The following BCAR3 variants were observed in gnomAD, a reference collection of about 807,000 sequenced individuals.
BCAR3 encodes the protein breast cancer anti-estrogen resistance protein 3.
In BCAR3, 37 loss-of-function variants were observed where a neutral mutation model predicts 80.1. The observed-to-expected ratio is 0.46, with a 90% confidence interval of 0.36 to 0.61. The LOEUF (loss-of-function observed/expected upper bound fraction) is 0.61. Among genes scored for constraint, BCAR3 ranks in the 20% least tolerant of loss-of-function variants. BCAR3 has a pLI of 0.00. For missense variants in BCAR3, 978 were observed against 1,068.2 expected (o/e 0.92, Z 1.18); for synonymous variants, 389 against 418.9 (o/e 0.93, Z 0.87).
intron 2 of BCAR3, among the ~76,000 whole-genome samples, chr1:93,835,592 G>A (rs1477628655): frequency 2.0e-5 from 3 of 152,104 alleles, no homozygotes; most frequent in Non-Finnish European, 2.9e-5. Context: ...GTTACAAGCC[G>A]CTAGCCTGAC....
At chr1:93,563,375 C>T (rs1672785418) in intron 11 of BCAR3, among the ~76,000 whole-genome samples, 1 of 151,334 alleles carries the variant, frequency 6.6e-6, no homozygotes, top group Non-Finnish European at 1.5e-5. Context: ...ATGTTGCATG[C>T]TAATCATTCT....
In BCAR3 at chr1:93,731,646, G is replaced by GTAAAATAAAA. The variant is rs3068528; in HGVS notation, c.-62-25514_-62-25505dup. Among the ~76,000 whole-genome samples, 1,307 of 147,344 alleles carry GTAAAATAAAA rather than the reference G, an allele frequency of 8.9e-3. 21 individuals carry two copies. The highest frequency in any genetic ancestry group is 0.029 in the African/African-American group (1,147 of 39,846). On this transcript the variant is annotated intron_variant, in intron 2 of 13. Transcript: ENST00000370244. ...ATATAAATAAATAGTAGATGTTAAA[G>GTAAAATAAAA]TAAAATAAAATAAAATAAAATAAAA...
intron 2 of BCAR3, among the ~76,000 whole-genome samples, chr1:93,752,568 A>C (rs924851521): frequency 1.3e-5 from 2 of 152,242 alleles, no homozygotes; most frequent in Admixed American, 6.5e-5. Flanking sequence ...GTGCATTCAA[A>C]ATAAGAATGA....
intron 2 of BCAR3, among the ~76,000 whole-genome samples, chr1:93,817,611 T>C (rs1557698187): frequency 6.6e-6 from 1 of 152,218 alleles, no homozygotes; most frequent in Non-Finnish European, 1.5e-5. Flanking sequence ...TTTGGTTCTC[T>C]GGCCTTCCCT....
intron 1 of BCAR3, among the ~76,000 whole-genome samples, chr1:93,678,173 G>C (rs1468344636): frequency 6.6e-6 from 1 of 152,226 alleles, no homozygotes; most frequent in Non-Finnish European, 1.5e-5. Context: ...CGGGACATTA[G>C]CATCAGTCTC....
At chr1:93,780,503 G>A (rs1652727295) in intron 2 of BCAR3, among the ~76,000 whole-genome samples, 1 of 151,444 alleles carries the variant, frequency 6.6e-6, no homozygotes, top group South Asian at 2.1e-4. Flanking sequence ...CAATCAAGTG[G>A]CCCAAAGCAC....
At chr1:93,810,467 A>G (rs1009934890) in intron 2 of BCAR3, among the ~76,000 whole-genome samples, 1 of 152,206 alleles carries the variant, frequency 6.6e-6, no homozygotes, top group East Asian at 1.9e-4. Context: ...AGTCTCAGAC[A>G]GGAAACTGGC....
intron 2 of BCAR3, among the ~76,000 whole-genome samples, chr1:93,743,673 A>G (rs1651255918): frequency 1.3e-5 from 2 of 152,170 alleles, no homozygotes; most frequent in African/African-American, 4.8e-5. Context: ...TGTTGTAGGG[A>G]CTTTGCTAAG....
At chr1:93,811,648 A>G (rs1328186355) in intron 2 of BCAR3, among the ~76,000 whole-genome samples, 4 of 152,180 alleles carry the variant, frequency 2.6e-5, no homozygotes, top group Non-Finnish European at 4.4e-5. Context: ...TGATGCTCCA[A>G]TGCTTGGGGC....
chr1:93,714,709 T>A (rs1650139812), intron 2 of BCAR3, among the ~76,000 whole-genome samples: 1 of 152,192 alleles, frequency 6.6e-6, no homozygotes, highest in Non-Finnish European at 1.5e-5. Flanking sequence ...CCTTTCTTTT[T>A]TTTTTTTCAG....
At chr1:93,785,591 GAGA>G (rs1171059739) in intron 2 of BCAR3, among the ~76,000 whole-genome samples, 2 of 152,236 alleles carry the variant, frequency 1.3e-5, no homozygotes, top group Non-Finnish European at 2.9e-5. Flanking sequence ...ACAGGATTGT[GAGA>G]AGGATAAAAT....
At chr1:93,579,532 C>T (rs965308777) in intron 7 of BCAR3, among the ~76,000 whole-genome samples, 1 of 152,164 alleles carries the variant, frequency 6.6e-6, no homozygotes, top group Non-Finnish European at 1.5e-5. Context: ...ACTAGGAGGA[C>T]AAAATGCACC....
intron 2 of BCAR3, among the ~76,000 whole-genome samples, chr1:93,798,443 A>T (rs1325923647): frequency 1.3e-5 from 2 of 151,992 alleles, no homozygotes; most frequent in Admixed American, 6.6e-5. Flanking sequence ...ACAATAGCCA[A>T]TTTTTTTTGG....
At chr1:93,802,271 C>T (rs1196624357) in intron 2 of BCAR3, among the ~76,000 whole-genome samples, 1 of 151,918 alleles carries the variant, frequency 6.6e-6, no homozygotes, top group Non-Finnish European at 1.5e-5. Context: ...AATCACACCA[C>T]TGCACTCCAG....
chr1:93,681,869 G>A (rs994258070), upstream of BCAR3: 2 of 152,204 alleles, frequency 1.3e-5, no homozygotes, highest in Admixed American at 6.5e-5. Flanking sequence ...GCCCTCAACT[G>A]GTGATTTGCG....
Position 93,567,560 on chromosome 1 carries a change from C to T in BCAR3, c.2087-69G>A. The T allele has an allele frequency of 1.4e-5, 21 of 1,548,094 alleles. No individual in the cohort carries two copies. The South Asian group carries it at 2.4e-4, about 17-fold the overall frequency. On this transcript the variant is annotated intron_variant, in intron 10 of 11. Transcript: ENST00000260502. ...AAGTTAAGCACAGAATGAGGTGACT[C>T]ATAGCCCTTGTCTTGTTACAGCAAC...
chr1:93,612,557 G>C (rs1234613716), intron 3 of BCAR3, among the ~76,000 whole-genome samples: 1 of 152,206 alleles, frequency 6.6e-6, no homozygotes, highest in Non-Finnish European at 1.5e-5. Context: ...TGAATTAGCA[G>C]AAGTTGGCTT....
At chr1:93,746,719 A>G (rs1651371514) in intron 2 of BCAR3, among the ~76,000 whole-genome samples, 1 of 151,928 alleles carries the variant, frequency 6.6e-6, no homozygotes, top group African/African-American at 2.4e-5. Flanking sequence ...TTGCAGTCAA[A>G]TTGTCTTTAA....
At position 93,786,192 on chromosome 1, in the gene BCAR3, CAAAAAA is replaced by C. The variant is rs61644309; in HGVS notation, c.-63+59369_-63+59374del. On this transcript the variant is annotated intron_variant, in intron 2 of 13. Transcript: ENST00000370244. ...TGGGCGTCAGAGCGAGACTCCGTCT[CAAAAAA>C]AAAAAAAAAAAAAAAAAAAAAGTGC... 1.5e-3 allele frequency among the ~76,000 whole-genome samples: 36 copies of C among 23,248 alleles called. 3 individuals carry two copies. The highest frequency in any genetic ancestry group is 0.033 in the Middle Eastern group (1 of 30). 15.3% of individuals were successfully genotyped at this position (23,248 alleles called of 152,430 possible).
Sources: allele counts gnomAD v4.1 joint callset (sites outside exome capture counted in the v4.1 genomes callset), GRCh38; gene constraint gnomAD v4.1.1; transcripts MANE v1.5; gene names NCBI Gene and HGNC (gene_info 2026-07-23, HGNC 2026-07-21).